Variants in PCED1B observed in about 807,000 individuals in gnomAD.
PCED1B encodes the protein PC-esterase domain-containing protein 1B.
For synonymous variants in PCED1B, 251 were observed against 246.1 expected (o/e 1.02, Z -0.19); for missense variants, 573 against 573.9 (o/e 1.00, Z 0.02).
chr12:47,197,019 A>T (rs903744888), intron 2 of PCED1B, among the ~76,000 whole-genome samples: 15 of 143,902 alleles, frequency 1.0e-4, no homozygotes, highest in Non-Finnish European at 2.0e-4. Flanking sequence ...CAGTTTATTT[A>T]AAAAAAAAAA....
At chr12:47,110,257 C>T (rs1939133149) in intron 2 of PCED1B, among the ~76,000 whole-genome samples, 1 of 152,152 alleles carries the variant, frequency 6.6e-6, no homozygotes, top group Non-Finnish European at 1.5e-5. Context: ...AGCCAGCAAC[C>T]ACTTCTTCTG....
chr12:47,218,583 A>T (rs1268475375), intron 3 of PCED1B, among the ~76,000 whole-genome samples: 1 of 152,160 alleles, frequency 6.6e-6, no homozygotes, highest in Non-Finnish European at 1.5e-5. Flanking sequence ...TCCTGGGTGC[A>T]AGGTATCCTT....
At chr12:47,213,024 A>G (rs1031225303) in intron 2 of PCED1B, among the ~76,000 whole-genome samples, 2 of 152,232 alleles carry the variant, frequency 1.3e-5, no homozygotes, top group East Asian at 3.9e-4. Context: ...ACAGAATGGG[A>G]TCTTTTATAA....
chr12:47,108,571 T>C (rs956764357), intron 2 of PCED1B, among the ~76,000 whole-genome samples: 4 of 152,244 alleles, frequency 2.6e-5, no homozygotes, highest in African/African-American at 9.6e-5. Flanking sequence ...TTTTTATTTT[T>C]CTGACCACTG....
chr12:47,188,727 A>G (rs149571182), intron 2 of PCED1B, among the ~76,000 whole-genome samples: 12 of 152,322 alleles, frequency 7.9e-5, no homozygotes, highest in African/African-American at 2.9e-4. Context: ...ATCCAGTTCC[A>G]CTGCAGTGCT....
chr12:47,224,964 C>T (rs542481460), intron 3 of PCED1B, among the ~76,000 whole-genome samples: 48 of 152,280 alleles, frequency 3.2e-4, no homozygotes, highest in Middle Eastern at 3.4e-3. Flanking sequence ...CAGAGTCTCA[C>T]GCTGTCGCCC....
rs118110970 is a variant in PCED1B at position 47,110,199 on chromosome 12, G to A, written c.-526+6004G>A. ...GAGCTGAAAACTGGATGAAGTGAGG[G>A]GTAAAATGAATGGACAATTAGTCCT... On this transcript the variant is annotated intron_variant, in intron 2 of 3. Transcript: ENST00000546455. 6.0e-4 allele frequency among the ~76,000 whole-genome samples: 92 copies of A among 152,226 alleles called. No homozygotes were observed. The East Asian group carries it at 0.016, about 27-fold the overall frequency.
intron 2 of PCED1B, among the ~76,000 whole-genome samples, chr12:47,138,585 C>T (rs1306989152): frequency 6.6e-6 from 1 of 152,220 alleles, no homozygotes; most frequent in Non-Finnish European, 1.5e-5. Context: ...GCTCTATCCA[C>T]TATCAGTACC....
At chr12:47,212,760 G>A (rs192490044) in intron 2 of PCED1B, among the ~76,000 whole-genome samples, 89 of 152,308 alleles carry the variant, frequency 5.8e-4, no homozygotes, top group African/African-American at 1.9e-3. Context: ...ACAAAAATGA[G>A]CATTTACTAA....
intron 3 of PCED1B, among the ~76,000 whole-genome samples, chr12:47,226,822 C>T (rs939912599): frequency 2.0e-5 from 3 of 152,254 alleles, no homozygotes; most frequent in Middle Eastern, 3.4e-3. Context: ...GATGCCTAGG[C>T]TAAAATGATC....
At chr12:47,182,942 C>T (rs1247985106) in intron 2 of PCED1B, among the ~76,000 whole-genome samples, 1 of 152,034 alleles carries the variant, frequency 6.6e-6, no homozygotes, top group Admixed American at 6.6e-5. Context: ...AATGGAGTGT[C>T]TTACTGGGAT....
At chr12:47,229,793 G>A (rs1349141165) in intron 3 of PCED1B, among the ~76,000 whole-genome samples, 7 of 150,802 alleles carry the variant, frequency 4.6e-5, no homozygotes, top group Admixed American at 4.0e-4. Context: ...TTTTTGAGAT[G>A]GAGTCTCTCT....
At chr12:47,189,232 C>T (rs1305480452) in intron 2 of PCED1B, among the ~76,000 whole-genome samples, 1 of 152,162 alleles carries the variant, frequency 6.6e-6, no homozygotes, top group East Asian at 1.9e-4. Flanking sequence ...TTAGATTGTT[C>T]AAGACAGGGC....
intron 2 of PCED1B, among the ~76,000 whole-genome samples, chr12:47,189,496 G>T (rs372242334): frequency 6.6e-6 from 1 of 152,184 alleles, no homozygotes; most frequent in African/African-American, 2.4e-5. Flanking sequence ...TTTAAAGGCC[G>T]CTAAATAAAT....
chr12:47,221,659 C>T (rs1049057437), intron 3 of PCED1B, among the ~76,000 whole-genome samples: 3 of 152,316 alleles, frequency 2.0e-5, no homozygotes, highest in South Asian at 2.1e-4. Flanking sequence ...TACAGCAGCT[C>T]TCTGAAATTG....
chr12:47,108,817 C>A (rs1229290547), intron 2 of PCED1B, among the ~76,000 whole-genome samples: 1 of 152,168 alleles, frequency 6.6e-6, no homozygotes, highest in Non-Finnish European at 1.5e-5. Context: ...GTACTTCTAG[C>A]AGTTTGGGAA....
At chr12:47,151,896 C>A (rs10881054) in intron 2 of PCED1B, among the ~76,000 whole-genome samples, 14 of 152,060 alleles carry the variant, frequency 9.2e-5, no homozygotes, top group Admixed American at 7.2e-4. Context: ...ACAGACACAC[C>A]GGAAGTAAGG....
Position 47,235,150 on chromosome 12 carries a change from ATACAAGGACC to A in PCED1B, c.89_98del (p.Tyr30TrpfsTer22). 1 of 1,577,562 alleles carries A rather than the reference ATACAAGGACC, an allele frequency of 6.3e-7. No individual in the cohort carries two copies. Among genetic ancestry groups the A allele is most frequent in the Non-Finnish European group, 8.6e-7 (1 of 1,161,336 alleles). On this transcript the variant is annotated frameshift_variant, in exon 4 of 4. Coordinates refer to ENST00000546455, the MANE Select transcript of PCED1B (RefSeq NM_138371.3). LOFTEE classifies it low-confidence loss of function (END_TRUNC). Reference sequence around the variant, plus strand: ...TGGGGGACTCTGTGCATAGGGCAGTATACAAGGACCTGGTGCTTCTGCTGCAGAAGGACCG... The same window carrying A: ...TGGGGGACTCTGTGCATAGGGCAGTATGGTGCTTCTGCTGCAGAAGGACCG...
At chr12:47,101,844 G>T (rs150745977) in intron 1 of PCED1B, among the ~76,000 whole-genome samples, 1 of 152,224 alleles carries the variant, frequency 6.6e-6, no homozygotes, top group Non-Finnish European at 1.5e-5. Flanking sequence ...TACCGGGGAA[G>T]CTGAGGCAGG....
Sources: allele counts gnomAD v4.1 joint callset (sites outside exome capture counted in the v4.1 genomes callset), GRCh38; gene constraint gnomAD v4.1.1; transcripts MANE v1.5; gene names NCBI Gene and HGNC (gene_info 2026-07-23, HGNC 2026-07-21).